Variants in CHD2 observed in about 807,000 individuals in gnomAD.
CHD2 encodes chromodomain helicase DNA binding protein 2.
Under a neutral mutation model 243.9 loss-of-function variants are expected in CHD2, and 28 were observed. The ratio of observed to expected loss-of-function variants is 0.11; its 90% CI spans 0.09 to 0.16. The LOEUF (loss-of-function observed/expected upper bound fraction) is 0.16, where lower values mean the gene tolerates loss of function less well. Among genes scored for constraint, CHD2 ranks in the 10% least tolerant of loss-of-function variants. CHD2 has a pLI of 1.00. For synonymous variants in CHD2, 775 were observed against 779.0 expected, an observed-to-expected ratio of 0.99 and a Z score of 0.09; for missense variants, 1,386 against 2,209.8, an observed-to-expected ratio of 0.63 and a Z score of 7.47.
At chr15:92,956,698 C>G in intron 16 of CHD2, 49 bp downstream of exon 16, 1 of 1,527,304 alleles carries the variant, frequency 6.5e-7, no homozygotes, top group Non-Finnish European at 8.8e-7. Flanking sequence ...GTCTGAAATG[C>G]CAATGCTTTT....
At chr15:92,979,399 G>A (rs933295477) in intron 22 of CHD2, 116 bp downstream of exon 22, 5 of 1,261,174 alleles carry the variant, frequency 4.0e-6, no homozygotes, top group Non-Finnish European at 5.4e-6. Flanking sequence ...GAAGATGCCA[G>A]GCCAGAACCA....
chr15:92,944,156 T>C lies in CHD2; in HGVS notation c.1053-259T>C, dbSNP rs187592905. 6 of 235,320 alleles carry C rather than the reference T, an allele frequency of 2.5e-5. No homozygotes were observed. The East Asian group carries it at 4.7e-4, about 18-fold the overall frequency. 14.6% of individuals were successfully genotyped at this position (235,320 alleles called of 1,614,324 possible). A position where few individuals can be genotyped will look rare whatever the true frequency, so the allele number is the denominator to read the frequency against. ...ATAAAAGAGTTATTTTTGGGTCTCT[T>C]TTTAGACAGGACACATCAGAGGCAG... is the stretch of plus-strand genomic sequence containing the variant. On this transcript the variant is annotated intron_variant, in intron 9 of 38. Coordinates refer to ENST00000394196, the MANE Select transcript of CHD2 (RefSeq NM_001271.4).
At chr15:92,924,981 A>C (rs1329736963) in intron 3 of CHD2, among the ~76,000 whole-genome samples, 1 of 152,012 alleles carries the variant, frequency 6.6e-6, no homozygotes, top group Admixed American at 6.6e-5. Flanking sequence ...TTGTATTTTT[A>C]GCGGAGACTG....
intron 2 of CHD2, chr15:92,905,055 G>A (rs1567117218): frequency 6.8e-6 from 10 of 1,470,500 alleles, no homozygotes; most frequent in Non-Finnish European, 9.1e-6. Context: ...CAGTGGGATA[G>A]TTTAGTAGAA....
intron 13 of CHD2, among the ~76,000 whole-genome samples, chr15:92,950,752 TAA>T (rs34816854): frequency 1.1e-4 from 15 of 142,338 alleles, no homozygotes; most frequent in Non-Finnish European, 9.2e-5. Flanking sequence ...AACTTCACCT[TAA>T]AAAAAAAAAA....
intron 2 of CHD2, among the ~76,000 whole-genome samples, chr15:92,918,176 C>T (rs2052879551): frequency 6.6e-6 from 1 of 152,182 alleles, no homozygotes; most frequent in Non-Finnish European, 1.5e-5. Context: ...GTTAATGGCA[C>T]TTCGTTTCAA....
chr15:92,947,799 T>C (rs894927888), intron 12 of CHD2, among the ~76,000 whole-genome samples: 1 of 152,166 alleles, frequency 6.6e-6, no homozygotes. Flanking sequence ...TCGGATTCCA[T>C]TCACTGCCAG....
At chr15:92,969,982 A>G (rs915786130) in intron 17 of CHD2, among the ~76,000 whole-genome samples, 2 of 151,872 alleles carry the variant, frequency 1.3e-5, no homozygotes, top group East Asian at 3.9e-4. Context: ...GTTTTAAAGT[A>G]CTCAAGATAG....
chr15:92,903,903 C>T (rs2052567749), intron 2 of CHD2, among the ~76,000 whole-genome samples: 1 of 152,126 alleles, frequency 6.6e-6, no homozygotes, highest in Admixed American at 6.5e-5. Context: ...GGGCGCTTTA[C>T]CAGATATTCT....
chr15:93,020,153 C>T lies in CHD2; in HGVS notation c.5048C>T (p.Ala1683Val), dbSNP rs375173012. 5.6e-6 allele frequency: 9 copies of T among 1,613,852 alleles called. No homozygotes were observed. Among genetic ancestry groups the T allele is most frequent in the Non-Finnish European group, 5.9e-6 (7 of 1,179,996 alleles). ...TATGGGGACCGGCGACATATGGATG[C>T]CCACCGTTCCGGAAGCTATCGACCC... Reference protein sequence around the residue: ...HHYGDRRHMDAHRSGSYRPNN... With the variant: ...HHYGDRRHMDVHRSGSYRPNN... Residue 1683 changes from alanine to valine, a missense_variant, in exon 38 of 39, where the codon GCC (alanine) becomes GTC (valine). Transcript: ENST00000394196.
At chr15:92,960,583 A>G (rs1001176304) in intron 16 of CHD2, among the ~76,000 whole-genome samples, 1 of 151,910 alleles carries the variant, frequency 6.6e-6, no homozygotes, top group Non-Finnish European at 1.5e-5. Context: ...TGCTTTTTAG[A>G]CATTAGGCCA....
rs886041717 is a variant in CHD2, at chr15:92,984,328, A to G, written c.3067-2A>G. On this transcript the variant is annotated splice_acceptor_variant, in intron 24 of 38. Coordinates refer to ENST00000394196, the MANE Select transcript of CHD2 (RefSeq NM_001271.4). LOFTEE classifies it high-confidence loss of function. ...GTCAGACAATGGGTTGTCTGTTTTAAGGTTGCCAACTTTGCAACAATGGAA... is the reference window on the plus strand; with the variant it reads ...GTCAGACAATGGGTTGTCTGTTTTAGGGTTGCCAACTTTGCAACAATGGAA... 1 of 1,571,584 alleles carries G rather than the reference A, an allele frequency of 6.4e-7. No individual in the cohort carries two copies. The highest frequency in any genetic ancestry group is 8.6e-7 in the Non-Finnish European group (1 of 1,159,960).
chr15:93,014,052 A>G (rs562531123), intron 36 of CHD2, among the ~76,000 whole-genome samples: 1 of 152,184 alleles, frequency 6.6e-6, no homozygotes, highest in East Asian at 1.9e-4. Flanking sequence ...AAGTATTTAC[A>G]TGGAAAGATT....
intron 2 of CHD2, among the ~76,000 whole-genome samples, chr15:92,920,236 C>T (rs2052928690): frequency 6.6e-6 from 1 of 151,878 alleles, no homozygotes; most frequent in African/African-American, 2.4e-5. Flanking sequence ...CATAGCTGCA[C>T]AAGAAGATAC....
chr15:92,978,124 T>G (rs2053933705), intron 20 of CHD2, 110 bp from the exon 21 acceptor site: 4 of 1,240,186 alleles, frequency 3.2e-6, no homozygotes, highest in Non-Finnish European at 3.5e-6. Flanking sequence ...GTCCATCATA[T>G]CTCACTTTTC....
At position 92,997,126 on chromosome 15, in the gene CHD2, G is replaced by A. The variant is rs764626254; in HGVS notation, c.3734+31G>A. 6.2e-6 allele frequency: 10 copies of A among 1,605,846 alleles called. No homozygotes were observed. The East Asian group carries it at 2.0e-4, about 32-fold the overall frequency. ...TATATTTTGTGTACATGCTTAGATG[G>A]TCGTACCGTAAGAAAATAGATTTGA... On this transcript the variant is annotated intron_variant, in intron 29 of 38. Transcript: ENST00000394196. This position sits in a 1 kb window ranked among gnomAD's most constrained non-coding sequence, Gnocchi z 4.1.
chr15:92,913,059 A>G (rs1376881892), intron 2 of CHD2, among the ~76,000 whole-genome samples: 2 of 152,214 alleles, frequency 1.3e-5, no homozygotes, highest in Admixed American at 6.5e-5. Flanking sequence ...TTACTTGCTA[A>G]AAATCACCTG....
intron 3 of CHD2, among the ~76,000 whole-genome samples, chr15:92,926,869 G>A (rs956401336): frequency 3.9e-5 from 6 of 152,308 alleles, no homozygotes; most frequent in South Asian, 2.1e-4. Context: ...AGTTTCACAG[G>A]TGTGGGTTAG....
rs1159156960 is a variant in CHD2, at chr15:92,905,026, A to G, written c.62+3727A>G. On this transcript the variant is annotated intron_variant, in intron 2 of 38. Transcript: ENST00000394196. ...AAACTCAGGTCAGTATGTGCTAAGT[A>G]CTATATATTTAAGATTCACAGTGGG... 2.6e-6 allele frequency: 4 copies of G among 1,527,464 alleles called. No homozygotes were observed. In the African/African-American group the frequency reaches 5.5e-5, roughly 21 times the overall value. 94.6% of individuals were successfully genotyped at this position (1,527,464 alleles called of 1,614,324 possible).
Sources: gnomAD v4.1 joint callset for allele counts (sites outside exome capture counted in the v4.1 genomes callset) on GRCh38, gnomAD v4.1.1 for gene constraint, Gnocchi (gnomAD v3.1) non-coding constraint, MANE v1.5 for transcripts, NCBI Gene and HGNC (gene_info 2026-07-23, HGNC 2026-07-21) for gene names.